ELF1: variants seen among roughly 807,000 people sequenced by gnomAD.
ELF1 encodes the protein E74 like ETS transcription factor 1, also known as ETS-related transcription factor Elf-1.
Under a neutral mutation model 59.9 loss-of-function variants are expected in ELF1, and 24 were observed. That is an observed-to-expected ratio of 0.40 (90% CI 0.29 to 0.56). The LOEUF (loss-of-function observed/expected upper bound fraction) is 0.56. Among genes scored for constraint, ELF1 ranks in the 20% least tolerant of loss-of-function variants. ELF1 has a pLI of 0.44. For missense variants in ELF1, 627 were observed against 742.2 expected, an observed-to-expected ratio of 0.84 and a Z score of 1.80; for synonymous variants, 248 against 266.2, an observed-to-expected ratio of 0.93 and a Z score of 0.67.
chr13:41,041,830 T>C (rs1876624056), intron 1 of ELF1, among the ~76,000 whole-genome samples: 1 of 152,164 alleles, frequency 6.6e-6, no homozygotes. Flanking sequence ...ATTTTTTACT[T>C]TCCAGATGAT....
At chr13:40,943,212 T>G in intron 6 of ELF1, 68 bp from the exon 7 acceptor site, 1 of 1,348,272 alleles carries the variant, frequency 7.4e-7, no homozygotes. Context: ...AAAAGACAAC[T>G]AAAAGTCTTA....
chr13:41,039,165 C>T (rs573392265), intron 1 of ELF1, among the ~76,000 whole-genome samples: 3 of 151,718 alleles, frequency 2.0e-5, no homozygotes, highest in South Asian at 2.1e-4. Flanking sequence ...TTTGGAAGGC[C>T]GAGGTAGGTG....
At chr13:40,964,571 G>A (rs533983331) in intron 2 of ELF1, among the ~76,000 whole-genome samples, 1 of 151,878 alleles carries the variant, frequency 6.6e-6, no homozygotes, top group Non-Finnish European at 1.5e-5. Context: ...CTCTCCCTCT[G>A]TCACCTAGGC....
At chr13:40,997,294 G>A (rs1874177745) in intron 1 of ELF1, among the ~76,000 whole-genome samples, 1 of 151,796 alleles carries the variant, frequency 6.6e-6, no homozygotes, top group South Asian at 2.1e-4. Flanking sequence ...GTCTCACTCT[G>A]TTGCCCAGGC....
intron 5 of ELF1, among the ~76,000 whole-genome samples, chr13:40,949,541 G>A (rs1449995947): frequency 6.6e-6 from 1 of 151,682 alleles, no homozygotes; most frequent in East Asian, 1.9e-4. Flanking sequence ...TTTTTGTAGA[G>A]ATGAGGTCTT....
Position 40,932,561 on chromosome 13 carries a change from A to C in ELF1, c.*864T>G, listed in dbSNP as rs1170417333. On this transcript the variant is annotated 3_prime_UTR_variant, in exon 9 of 9. Coordinates refer to ENST00000239882, the MANE Select transcript of ELF1 (RefSeq NM_172373.4). ...TTAGTAAACAAATTATTTAGGAAGA[A>C]TTTATGGCAGATCTTACCCATAACA... 1 of 152,184 alleles carries C rather than the reference A, an allele frequency of 6.6e-6. No homozygotes were observed. Among genetic ancestry groups the C allele is most frequent in the African/African-American group, 2.4e-5 (1 of 41,446 alleles). The allele number at this position is 152,184 out of a possible 1,614,324, so 9.4% of individuals were successfully genotyped here.
intron 1 of ELF1, 111 bp from the exon 2 acceptor site, chr13:40,982,393 T>A: frequency 1.4e-6 from 1 of 708,608 alleles, no homozygotes; most frequent in Non-Finnish European, 1.8e-6. Context: ...TTAACGTTTT[T>A]AAATAAAATC....
In ELF1 at chr13:40,980,479, C is replaced by G. The variant is rs150010718; in HGVS notation, c.72+1504G>C. ...CCTCTGCAAAACAAACTAAGTATAT[C>G]ATACATAGTAAGTGTATAAGTGTTG... On this transcript the variant is annotated intron_variant, in intron 2 of 8. Coordinates refer to ENST00000239882, the MANE Select transcript of ELF1 (RefSeq NM_172373.4). Among the ~76,000 whole-genome samples the G allele has an allele frequency of 5.2e-3, 798 of 152,244 alleles. 8 individuals carry two copies. The highest frequency in any genetic ancestry group is 7.6e-3 in the Non-Finnish European group (520 of 68,006).
At chr13:40,958,402 G>A (rs920025572) in intron 3 of ELF1, among the ~76,000 whole-genome samples, 6 of 152,062 alleles carry the variant, frequency 3.9e-5, no homozygotes, top group African/African-American at 1.4e-4. Flanking sequence ...ATATAAGAAA[G>A]TACTCAGTGA....
Position 40,988,846 on chromosome 13 carries a change from G to C in ELF1, c.-228-6564C>G, listed in dbSNP as rs141655513. Among the ~76,000 whole-genome samples, 736 of 152,060 alleles carry C rather than the reference G, an allele frequency of 4.8e-3. 3 individuals are homozygous for C. The highest frequency in any genetic ancestry group is 0.034 in the Middle Eastern group (10 of 294). On this transcript the variant is annotated intron_variant, in intron 1 of 8. Coordinates refer to ENST00000239882, the MANE Select transcript of ELF1 (RefSeq NM_172373.4). ...GACAGAGTCTTGCTCTATCGCTTAG[G>C]CTGGAGTGCAGTGGCACGATCTCAG...
At chr13:40,970,204 T>C (rs1243188473) in intron 2 of ELF1, among the ~76,000 whole-genome samples, 1 of 152,184 alleles carries the variant, frequency 6.6e-6, no homozygotes, top group East Asian at 1.9e-4. Flanking sequence ...AACGAACAGC[T>C]AAAAGACAAA....
At chr13:40,967,222 T>C (rs1210520155) in intron 2 of ELF1, among the ~76,000 whole-genome samples, 2 of 152,178 alleles carry the variant, frequency 1.3e-5, no homozygotes, top group African/African-American at 4.8e-5. Flanking sequence ...CCTTACTCTA[T>C]TACAACACGA....
intron 1 of ELF1, among the ~76,000 whole-genome samples, chr13:41,053,749 A>T (rs2138437619): frequency 6.6e-6 from 1 of 152,374 alleles, no homozygotes; most frequent in Non-Finnish European, 1.5e-5. Flanking sequence ...GTGAGCAAAT[A>T]AGTATTTCAC....
chr13:41,001,390 C>A (rs1456842979), intron 1 of ELF1, among the ~76,000 whole-genome samples: 2 of 152,026 alleles, frequency 1.3e-5, no homozygotes, highest in South Asian at 2.1e-4. Flanking sequence ...GAGTTTGAGA[C>A]CAACCCAGGC....
At chr13:41,034,691 T>A (rs952184603) in intron 1 of ELF1, among the ~76,000 whole-genome samples, 2 of 151,800 alleles carry the variant, frequency 1.3e-5, no homozygotes, top group African/African-American at 4.8e-5. Context: ...TGCCAACATA[T>A]ATGCTTATAA....
chr13:40,941,480 G>A, intron 7 of ELF1, 110 bp from the exon 8 acceptor site: 2 of 1,007,738 alleles, frequency 2.0e-6, no homozygotes, highest in South Asian at 1.7e-5. Flanking sequence ...TCAAACTAAT[G>A]AGAAAAGAAT....
intron 3 of ELF1, among the ~76,000 whole-genome samples, chr13:40,955,079 G>T (rs1283680772): frequency 6.6e-6 from 1 of 150,484 alleles, no homozygotes; most frequent in Non-Finnish European, 1.5e-5. Context: ...GGGATGTGAG[G>T]AGCGTCTCTG....
intron 2 of ELF1, among the ~76,000 whole-genome samples, chr13:40,973,289 T>TA (rs936346763): frequency 1.3e-5 from 2 of 152,200 alleles, no homozygotes; most frequent in Non-Finnish European, 2.9e-5. Context: ...ACAAATGTTT[T>TA]ACCAGTCAAA....
intron 2 of ELF1, among the ~76,000 whole-genome samples, chr13:40,964,916 A>G (rs983002590): frequency 6.6e-6 from 1 of 152,106 alleles, no homozygotes; most frequent in African/African-American, 2.4e-5. Flanking sequence ...TACTAATTAC[A>G]TCTGCCATGA....
Sources: allele counts gnomAD v4.1 joint callset (sites outside exome capture counted in the v4.1 genomes callset), GRCh38; gene constraint gnomAD v4.1.1; transcripts MANE v1.5; gene names NCBI Gene and HGNC (gene_info 2026-07-23, HGNC 2026-07-21).